Variants in DMD observed in about 807,000 individuals in gnomAD.
DMD encodes the protein dystrophin.
In DMD, 63 loss-of-function variants were observed where a neutral mutation model predicts 330.1. The observed-to-expected ratio is 0.19, with a 90% CI of 0.16 to 0.24. The LOEUF (loss-of-function observed/expected upper bound fraction) is 0.24, where lower values mean the gene tolerates loss of function less well. DMD is among the 10% of genes least tolerant of loss of function. The pLI, the probability that DMD is intolerant of heterozygous loss-of-function variation, is 1.00. For missense variants in DMD, 3,344 were observed against 2,684.1 expected (o/e 1.25, Z -5.43); for synonymous variants, 1,223 against 959.8 (o/e 1.27, Z -5.07).
chrX:32,521,050 C>T (rs2046373762), intron 17 of DMD, among the ~76,000 whole-genome samples: 1 of 111,769 alleles, frequency 8.9e-6, no homozygotes, highest in Non-Finnish European at 1.9e-5. Flanking sequence ...TATGTAGCCA[C>T]CGTTCTCATT....
chrX:31,510,396 A>G (rs1488318745), intron 55 of DMD, among the ~76,000 whole-genome samples: 1 of 111,259 alleles, frequency 9.0e-6, no homozygotes, highest in African/African-American at 3.3e-5. Context: ...AAGAGGAAAT[A>G]AGTGACTGTT....
intron 55 of DMD, among the ~76,000 whole-genome samples, chrX:31,538,049 C>T (rs992416769): frequency 1.8e-5 from 2 of 111,977 alleles, no homozygotes; most frequent in African/African-American, 6.5e-5. Flanking sequence ...CCATGCTGGA[C>T]ATTGTAGGGT....
intron 7 of DMD, among the ~76,000 whole-genome samples, chrX:32,800,629 A>G (rs1181185917): frequency 9.0e-6 from 1 of 111,142 alleles, no homozygotes; most frequent in Admixed American, 9.7e-5. Context: ...ACATAGGTAT[A>G]CACATGCCAT....
At chrX:32,719,735 A>C (rs1283196464) in intron 7 of DMD, among the ~76,000 whole-genome samples, 2 of 109,663 alleles carry the variant, frequency 1.8e-5, no homozygotes, top group Non-Finnish European at 3.8e-5. Flanking sequence ...TTTTTTTTTC[A>C]TTTATTTAGC....
At chrX:32,932,533 A>G in intron 2 of DMD, among the ~76,000 whole-genome samples, 1 of 111,812 alleles carries the variant, frequency 8.9e-6, no homozygotes, top group Non-Finnish European at 1.9e-5. Flanking sequence ...GGCATTTGGA[A>G]TAAAGGTAGA....
intron 22 of DMD, among the ~76,000 whole-genome samples, chrX:32,471,182 G>T (rs2040596054): frequency 9.0e-6 from 1 of 111,368 alleles, no homozygotes; most frequent in Admixed American, 9.6e-5. Flanking sequence ...GGAGGCTAAG[G>T]CAGGAGAATC....
chrX:31,427,899 G>A (rs180991415), intron 60 of DMD, among the ~76,000 whole-genome samples: 214 of 112,005 alleles, frequency 1.9e-3, no homozygotes, highest in African/African-American at 6.5e-3. Flanking sequence ...CGTAATGAAA[G>A]AACATATTAT....
At chrX:32,201,397 A>G (rs1037814812) in intron 44 of DMD, among the ~76,000 whole-genome samples, 2 of 107,755 alleles carry the variant, frequency 1.9e-5, no homozygotes, top group African/African-American at 6.8e-5. Context: ...GGAGATGTAC[A>G]TTATGACTAC....
intron 52 of DMD, among the ~76,000 whole-genome samples, chrX:31,688,055 G>A (rs1381433771): frequency 7.3e-5 from 8 of 109,771 alleles, no homozygotes; most frequent in Admixed American, 3.9e-4. Context: ...GGATCTTGTA[G>A]GCAGACAGCC....
chrX:31,204,224 G>T, intron 66 of DMD, 106 bp from the exon 67 acceptor site: 1 of 701,797 alleles, frequency 1.4e-6, no homozygotes, highest in Non-Finnish European at 2.2e-6. Flanking sequence ...AGAGTAGCCA[G>T]TATTTCCACA....
chrX:32,158,968 C>T (rs1361049584), intron 44 of DMD, among the ~76,000 whole-genome samples: 1 of 112,313 alleles, frequency 8.9e-6, no homozygotes, highest in Non-Finnish European at 1.9e-5. Flanking sequence ...AACTCTTCAA[C>T]AAAAAACATC....
intron 56 of DMD, among the ~76,000 whole-genome samples, chrX:31,503,498 C>T (rs1388508354): frequency 1.8e-5 from 2 of 111,980 alleles, no homozygotes; most frequent in Non-Finnish European, 3.8e-5. Flanking sequence ...TCACATATTT[C>T]GAGTTTGAAA....
chrX:32,718,176 T>C (rs774306952), intron 7 of DMD, among the ~76,000 whole-genome samples: 31 of 111,207 alleles, frequency 2.8e-4, no homozygotes, highest in Middle Eastern at 4.6e-3. Flanking sequence ...CAGAACGATA[T>C]AGTTTGGCAC....
intron 2 of DMD, among the ~76,000 whole-genome samples, chrX:32,943,979 A>G (rs906660962): frequency 4.9e-4 from 54 of 110,914 alleles, no homozygotes; most frequent in Non-Finnish European, 1.3e-4. Flanking sequence ...CAAATATATC[A>G]TACACATTAA....
intron 2 of DMD, among the ~76,000 whole-genome samples, chrX:32,901,355 A>T (rs1348671701): frequency 8.9e-6 from 1 of 111,785 alleles, no homozygotes; most frequent in East Asian, 2.8e-4. Flanking sequence ...TCTTCTTTAA[A>T]AATTTCAACA....
intron 44 of DMD, among the ~76,000 whole-genome samples, chrX:32,043,667 T>C (rs992505672): frequency 9.0e-5 from 10 of 111,674 alleles, no homozygotes; most frequent in African/African-American, 3.3e-4. Context: ...TGAGAGACGA[T>C]TATTAGATCA....
At chrX:32,233,368 G>C (rs889810079) in intron 43 of DMD, among the ~76,000 whole-genome samples, 2 of 110,977 alleles carry the variant, frequency 1.8e-5, no homozygotes, top group African/African-American at 6.5e-5. Context: ...CAGTGGCATG[G>C]AAGGAATGGC....
chrX:32,062,205 T>C (rs760227755), intron 44 of DMD, among the ~76,000 whole-genome samples: 31 of 110,740 alleles, frequency 2.8e-4, no homozygotes, highest in Non-Finnish European at 5.3e-4. Flanking sequence ...GTGTAAAGAA[T>C]TGGTGAGAAT....
intron 2 of DMD, among the ~76,000 whole-genome samples, chrX:32,850,228 CCAGT>C: frequency 9.0e-6 from 1 of 111,524 alleles, no homozygotes. Context: ...TTGGAATATA[CCAGT>C]CAGAGTGGTT....
Sources: gnomAD v4.1 joint callset for allele counts (sites outside exome capture counted in the v4.1 genomes callset) on GRCh38, gnomAD v4.1.1 for gene constraint, MANE v1.5 for transcripts, NCBI Gene and HGNC (gene_info 2026-07-23, HGNC 2026-07-21) for gene names.